Variants in DSCAML1 observed in about 807,000 individuals in gnomAD.
The protein encoded by DSCAML1 is cell adhesion molecule DSCAML1.
In DSCAML1, 38 loss-of-function variants were observed where a neutral mutation model predicts 200.5. That is an observed-to-expected ratio of 0.19 (90% CI 0.15 to 0.25). The LOEUF is 0.25. Ranked by LOEUF, DSCAML1 falls within the 10% of genes least tolerant of loss-of-function variation. DSCAML1 has a pLI of 1.00. For missense variants in DSCAML1, 2,223 were observed against 2,858.8 expected (o/e 0.78, Z 5.07); for synonymous variants, 1,215 against 1,165.0 (o/e 1.04, Z -0.87).
intron 3 of DSCAML1, among the ~76,000 whole-genome samples, chr11:117,648,132 G>A (rs1242769757): frequency 6.6e-6 from 1 of 152,174 alleles, no homozygotes; most frequent in East Asian, 1.9e-4. Flanking sequence ...TTCTCCACCA[G>A]CACCATCTGT....
chr11:117,473,830 G>A lies in DSCAML1; in HGVS notation c.2786-1794C>T, dbSNP rs146316039. ...GGTCACTTTGTGGTTGGCAGGTTAAGTTGGAATTGCAAATATGCAGGCTCC... is the reference window on the plus strand; with the variant it reads ...GGTCACTTTGTGGTTGGCAGGTTAAATTGGAATTGCAAATATGCAGGCTCC... On this transcript the variant is annotated intron_variant, in intron 14 of 32. Coordinates refer to ENST00000651296, the MANE Select transcript of DSCAML1 (RefSeq NM_020693.4). 5.2e-3 allele frequency among the ~76,000 whole-genome samples: 792 copies of A among 152,338 alleles called. 22 individuals are homozygous for A. The highest frequency in any genetic ancestry group is 2.9e-3 in the Non-Finnish European group (200 of 68,040).
chr11:117,448,637 G>A (rs960209078), intron 20 of DSCAML1, among the ~76,000 whole-genome samples: 1 of 88,424 alleles, frequency 1.1e-5, no homozygotes, highest in African/African-American at 3.9e-5. Flanking sequence ...GTGTGTGTGT[G>A]TGGGGGGTGG....
Position 117,516,567 on chromosome 11 carries a change from C to A in DSCAML1, c.1683G>T (p.Leu561=). The change falls in exon 8 of 33, where the codon CTG becomes CTT. Residue 561 remains leucine, a synonymous_variant. Transcript: ENST00000651296. The surrounding 1 kb of genome is among the most constrained non-coding windows in gnomAD (Gnocchi z 5.7). ...CATCCATGCCCTTCTGCACGTCAGT[C>A]AGCTTGAGGGTCCCATTCTCAAACA... ...QVVFENGTLK[L]TDVQKGMDEG... is the part of the protein sequence containing the mutation. 6.2e-7 allele frequency: 1 copy of A among 1,614,062 alleles called. No individual in the cohort carries two copies. The highest frequency in any genetic ancestry group is 8.5e-7 in the Non-Finnish European group (1 of 1,180,026).
chr11:117,510,227 CAG>C (rs1247102786), intron 8 of DSCAML1, among the ~76,000 whole-genome samples: 2 of 152,220 alleles, frequency 1.3e-5, no homozygotes, highest in African/African-American at 4.8e-5. Flanking sequence ...CACCTGCTAG[CAG>C]AGTGTGCGCC....
At chr11:117,802,508 G>A (rs591635) in intron 1 of DSCAML1, among the ~76,000 whole-genome samples, 2,095 of 152,282 alleles carry the variant, frequency 0.014, 30 homozygotes, top group Middle Eastern at 0.024. Context: ...TTCTTATAAG[G>A]TAGCAGATAT....
intron 21 of DSCAML1, among the ~76,000 whole-genome samples, chr11:117,441,982 A>G (rs1055913148): frequency 1.3e-5 from 2 of 151,346 alleles, no homozygotes; most frequent in African/African-American, 2.4e-5. Context: ...GTGTGTGCAT[A>G]TGTGTGTGTA....
intron 3 of DSCAML1, among the ~76,000 whole-genome samples, chr11:117,542,318 AAAACAAAAC>A (rs1400354411): frequency 2.9e-5 from 3 of 102,858 alleles, no homozygotes; most frequent in Non-Finnish European, 6.4e-5. Context: ...AAAACAAAAC[AAAACAAAAC>A]ACAAAAACAA....
chr11:117,592,978 C>G (rs911807107), intron 3 of DSCAML1, among the ~76,000 whole-genome samples: 1 of 152,262 alleles, frequency 6.6e-6, no homozygotes. Context: ...TATCCTCTCC[C>G]ACAAATGGGG....
chr11:117,660,101 T>G (rs980241758), intron 3 of DSCAML1, among the ~76,000 whole-genome samples: 2 of 152,130 alleles, frequency 1.3e-5, no homozygotes, highest in Non-Finnish European at 2.9e-5. Context: ...TTTCTTCCTC[T>G]CTCTCCTGTC....
rs79408237 is a variant in DSCAML1 at position 117,679,018 on chromosome 11, G to T, written c.511+97773C>A. 6.8e-3 allele frequency among the ~76,000 whole-genome samples: 1,031 copies of T among 152,372 alleles called. 17 individuals carry two copies. The highest frequency in any genetic ancestry group is 0.023 in the African/African-American group (969 of 41,592). On this transcript the variant is annotated intron_variant, in intron 3 of 32. Transcript: ENST00000651296. Reference sequence around the variant, plus strand: ...CCAAAGTGATGGCACACATATGGGGGAGGGGCTCCTCCCAGGCTCAGCGGC... The same window carrying T: ...CCAAAGTGATGGCACACATATGGGGTAGGGGCTCCTCCCAGGCTCAGCGGC...
chr11:117,815,123 T>C (rs565661850), intron 1 of DSCAML1, among the ~76,000 whole-genome samples: 9 of 152,334 alleles, frequency 5.9e-5, no homozygotes, highest in African/African-American at 2.2e-4. Flanking sequence ...CTGTGTTCAC[T>C]GCCGGGAGGA....
chr11:117,472,068 C>T, intron 14 of DSCAML1, 32 bp from the exon 15 acceptor site: 1 of 1,609,674 alleles, frequency 6.2e-7, no homozygotes, highest in Admixed American at 1.7e-5. Context: ...CAAAGCATGG[C>T]CAGGCAAACT....
intron 3 of DSCAML1, among the ~76,000 whole-genome samples, chr11:117,580,126 T>C (rs2051013862): frequency 6.6e-6 from 1 of 152,228 alleles, no homozygotes; most frequent in Admixed American, 6.5e-5. Flanking sequence ...ATAGATGGTC[T>C]TCTCATGGAA....
chr11:117,795,404 TGCG>T (rs771481554), intron 1 of DSCAML1, among the ~76,000 whole-genome samples: 2 of 151,714 alleles, frequency 1.3e-5, no homozygotes, highest in Non-Finnish European at 2.9e-5. Context: ...CGAGCCAGCC[TGCG>T]GGGGCGGAGG....
intron 1 of DSCAML1, among the ~76,000 whole-genome samples, chr11:117,784,535 G>A (rs1295314718): frequency 6.6e-6 from 1 of 152,200 alleles, no homozygotes; most frequent in Non-Finnish European, 1.5e-5. Context: ...ACAGAAGGGG[G>A]AGTAGTAGGA....
At chr11:117,564,780 C>T (rs11216455) in intron 3 of DSCAML1, among the ~76,000 whole-genome samples, 3,740 of 139,426 alleles carry the variant, frequency 0.027, 156 homozygotes, top group African/African-American at 0.094. Flanking sequence ...TTTCTTCTTT[C>T]TTTTTGATGG....
chr11:117,706,416 CTAT>C (rs1289192202), intron 3 of DSCAML1, among the ~76,000 whole-genome samples: 1 of 152,186 alleles, frequency 6.6e-6, no homozygotes, highest in Admixed American at 6.5e-5. Flanking sequence ...CGGTGCCGGT[CTAT>C]TCCCAGGGAG....
Position 117,627,199 on chromosome 11 carries a change from T to C in DSCAML1, c.512-94677A>G, listed in dbSNP as rs114036898. Among the ~76,000 whole-genome samples the C allele has an allele frequency of 4.8e-3, 726 of 152,350 alleles. 6 individuals carry two copies. The highest frequency in any genetic ancestry group is 0.016 in the African/African-American group (684 of 41,582). ...GGATGTGACCGTGCTTATCCCGTTG[T>C]CCTGCCCATCAGAACGGAGATGGCG... On this transcript the variant is annotated intron_variant, in intron 3 of 32. Transcript: ENST00000651296.
rs1366457986 is a variant in DSCAML1, at chr11:117,482,253, C to G, written c.2360-91G>C. ...CCCTGCGCAGAAGCCCCCGCCCCAG[C>G]CCTCCTCCCCCAGGAGAGGCTCCAA... is the stretch of plus-strand genomic sequence containing the variant. On this transcript the variant is annotated intron_variant, in intron 11 of 32. Coordinates refer to ENST00000651296, the MANE Select transcript of DSCAML1 (RefSeq NM_020693.4). The G allele has an allele frequency of 2.8e-6, 4 of 1,433,598 alleles. No homozygotes were observed. The African/African-American group carries it at 5.6e-5, about 20-fold the overall frequency. 88.8% of individuals were successfully genotyped at this position (1,433,598 alleles called of 1,614,324 possible).
Sources: gnomAD v4.1 joint callset for allele counts (sites outside exome capture counted in the v4.1 genomes callset) on GRCh38, gnomAD v4.1.1 for gene constraint, Gnocchi (gnomAD v3.1) non-coding constraint, MANE v1.5 for transcripts, NCBI Gene and HGNC (gene_info 2026-07-23, HGNC 2026-07-21) for gene names.